The following FBXW10B variants were observed in gnomAD, a reference collection of about 807,000 sequenced individuals.
The protein encoded by FBXW10B is F-box and WD repeat domain containing 10B, also known as F-box and WD repeat domain containing protein 10B.
the FBXW10B span, among the ~76,000 whole-genome samples, chr17:15,584,769 T>A: frequency 5.3e-5 from 8 of 152,216 alleles, no homozygotes; most frequent in African/African-American, 1.9e-4. Flanking sequence ...TTGTGCACAT[T>A]GATTTAAACA....
At chr17:15,583,867 T>C in the FBXW10B span, among the ~76,000 whole-genome samples, 40 of 152,172 alleles carry the variant, frequency 2.6e-4, no homozygotes, top group African/African-American at 9.2e-4. Context: ...AAGGGTTTTT[T>C]TTAAGAAACT....
chr17:15,606,831 C>T, the FBXW10B span, among the ~76,000 whole-genome samples: 33 of 152,006 alleles, frequency 2.2e-4, no homozygotes, highest in Admixed American at 2.2e-3. Flanking sequence ...TCTGTCTTCC[C>T]CATACTGACT....
At chr17:15,575,608 G>T in the FBXW10B span, among the ~76,000 whole-genome samples, 1 of 134,422 alleles carries the variant, frequency 7.4e-6, no homozygotes, top group African/African-American at 3.4e-5. Flanking sequence ...CCTTCCAACC[G>T]CTCTTCACTT....
the FBXW10B span, chr17:15,613,550 TATCA>T: frequency 7.4e-7 from 1 of 1,350,710 alleles, no homozygotes; most frequent in Non-Finnish European, 1.0e-6. Context: ...TCCACAGTCA[TATCA>T]GCCTCAACAC....
At chr17:15,600,396 T>C in the FBXW10B span, among the ~76,000 whole-genome samples, 8 of 148,036 alleles carry the variant, frequency 5.4e-5, no homozygotes, top group South Asian at 2.2e-4. Context: ...GCAGCCACAG[T>C]GCATTGAATG....
the FBXW10B span, among the ~76,000 whole-genome samples, chr17:15,608,118 C>T: frequency 1.3e-5 from 2 of 151,478 alleles, no homozygotes; most frequent in Non-Finnish European, 2.9e-5. Context: ...GGATTTTAAG[C>T]CAACTGTGAA....
chr17:15,588,854 C>A, the FBXW10B span: 1 of 1,613,846 alleles, frequency 6.2e-7, no homozygotes, highest in African/African-American at 1.3e-5. Flanking sequence ...TTTTCCAGCC[C>A]GTTGCTAGCT....
the FBXW10B span, among the ~76,000 whole-genome samples, chr17:15,567,188 C>T: frequency 6.6e-6 from 1 of 151,358 alleles, no homozygotes; most frequent in African/African-American, 2.4e-5. Flanking sequence ...AGGAGAATCA[C>T]TCGAACTCAG....
At chr17:15,609,931 G>C in the FBXW10B span, among the ~76,000 whole-genome samples, 2 of 144,166 alleles carry the variant, frequency 1.4e-5, no homozygotes, top group Non-Finnish European at 3.0e-5. Flanking sequence ...CGTGATCTCG[G>C]CTCACTACAA....
chr17:15,618,322 T>A, the FBXW10B span, among the ~76,000 whole-genome samples: 4 of 151,246 alleles, frequency 2.6e-5, no homozygotes, highest in Non-Finnish European at 2.9e-5. Flanking sequence ...CGAGACTCCA[T>A]CTCAAAAAAA....
chr17:15,578,419 G>A, the FBXW10B span, among the ~76,000 whole-genome samples: 2 of 151,744 alleles, frequency 1.3e-5, no homozygotes, highest in Admixed American at 6.6e-5. Flanking sequence ...TTTATAAATT[G>A]TGTTTTATTT....
the FBXW10B span, among the ~76,000 whole-genome samples, chr17:15,606,784 T>C: frequency 5.9e-5 from 9 of 152,122 alleles, no homozygotes; most frequent in Non-Finnish European, 1.3e-4. Context: ...ACACTAAGCA[T>C]AAAAATTCAA....
the FBXW10B span, among the ~76,000 whole-genome samples, chr17:15,612,229 T>C: frequency 4.3e-4 from 66 of 151,932 alleles, no homozygotes; most frequent in Non-Finnish European, 8.1e-4. Context: ...AGTGTCGGGC[T>C]GGGCGCGGTG....
the FBXW10B span, chr17:15,589,415 T>C: frequency 1.1e-5 from 3 of 277,652 alleles, no homozygotes; most frequent in African/African-American, 4.6e-5. Flanking sequence ...GACTAACGAA[T>C]TCATGGGGCG....
the FBXW10B span, chr17:15,613,720 C>T: frequency 2.2e-5 from 36 of 1,611,746 alleles, no homozygotes; most frequent in Non-Finnish European, 2.7e-5. Flanking sequence ...CGCACTTGTT[C>T]AGGGTGTGTC....
the FBXW10B span, among the ~76,000 whole-genome samples, chr17:15,609,846 T>G: frequency 2.2e-5 from 3 of 139,200 alleles, no homozygotes; most frequent in Non-Finnish European, 3.0e-5. Context: ...CTCTCTTTCT[T>G]TCTTTCTTTT....
chr17:15,582,855 T>C, the FBXW10B span, among the ~76,000 whole-genome samples: 2 of 151,874 alleles, frequency 1.3e-5, no homozygotes, highest in African/African-American at 2.4e-5. Context: ...GCTCCACCAA[T>C]GCATTTTAGG....
At chr17:15,585,045 C>T in the FBXW10B span, among the ~76,000 whole-genome samples, 10 of 149,692 alleles carry the variant, frequency 6.7e-5, no homozygotes, top group African/African-American at 2.2e-4. Flanking sequence ...TTTCTCCCTC[C>T]CAAAATAAAG....
the FBXW10B span, among the ~76,000 whole-genome samples, chr17:15,598,283 A>AT: frequency 1.7e-4 from 25 of 143,168 alleles, no homozygotes; most frequent in African/African-American, 4.9e-4. Context: ...ATATCCTATT[A>AT]TTTTTTTTTT....
Sources: gnomAD v4.1 joint callset for allele counts (sites outside exome capture counted in the v4.1 genomes callset) on GRCh38, gnomAD v4.1.1 for gene constraint, MANE v1.5 for transcripts, NCBI Gene and HGNC (gene_info 2026-07-23, HGNC 2026-07-21) for gene names.